REPS2: variants seen among roughly 807,000 people sequenced by gnomAD.
REPS2 encodes the protein RALBP1 associated Eps domain containing 2.
In REPS2, 23 loss-of-function variants were observed where a neutral mutation model predicts 53.6. That is an observed-to-expected ratio of 0.43 (90% CI 0.31 to 0.61). REPS2 has a LOEUF of 0.61. REPS2 is among the 20% of genes least tolerant of loss of function. The pLI, the probability that REPS2 is intolerant of heterozygous loss-of-function variation, is 0.11. For synonymous variants in REPS2, 238 were observed against 218.6 expected (o/e 1.09, Z -0.78); for missense variants, 446 against 534.9 (o/e 0.83, Z 1.64).
chrX:16,947,076 C>T lies in REPS2; in HGVS notation c.215C>T (p.Ala72Val), dbSNP rs374993556. ...GCCCCCGGCACGGCCACTGCGGCCGCCGGCCCCGTGGCTGACCTGTTTCGG... is the reference window on the plus strand; with the variant it reads ...GCCCCCGGCACGGCCACTGCGGCCGTCGGCCCCGTGGCTGACCTGTTTCGG... Reference protein sequence around the residue: ...RVAPGTATAAAGPVADLFRAS... With the variant: ...RVAPGTATAAVGPVADLFRAS... Residue 72 changes from alanine to valine, a missense_variant, in exon 1 of 18, where the codon GCC becomes GTC. Coordinates refer to ENST00000357277, the MANE Select transcript of REPS2 (RefSeq NM_004726.3). The T allele has an allele frequency of 2.7e-4, 291 of 1,073,904 alleles. No individual in the cohort carries two copies. The African/African-American group carries it at 4.7e-3, about 17-fold the overall frequency. 88.5% of individuals were successfully genotyped at this position (1,073,904 alleles called of 1,213,427 possible). A position where few individuals can be genotyped will look rare whatever the true frequency, so the allele number is the denominator to read the frequency against.
At chrX:17,139,033 T>A in intron 17 of REPS2, 72 bp downstream of exon 17, 1 of 600,225 alleles carries the variant, frequency 1.7e-6, no homozygotes, top group Non-Finnish European at 2.6e-6. Flanking sequence ...TTTAATTTAA[T>A]AGGCATATAA....
At chrX:16,952,080 A>G (rs2060521434) in intron 1 of REPS2, among the ~76,000 whole-genome samples, 1 of 111,917 alleles carries the variant, frequency 8.9e-6, no homozygotes, top group African/African-American at 3.3e-5. Flanking sequence ...CATCTGTATT[A>G]ATTTTTTAAA....
intron 2 of REPS2, among the ~76,000 whole-genome samples, chrX:17,009,885 C>T (rs1222985108): frequency 9.0e-6 from 1 of 111,385 alleles, no homozygotes; most frequent in Non-Finnish European, 1.9e-5. Context: ...CTTTTCCATC[C>T]TCATCTCAAA....
intron 13 of REPS2, among the ~76,000 whole-genome samples, chrX:17,083,065 A>C (rs4828524): frequency 9.8e-6 from 1 of 102,310 alleles, no homozygotes; most frequent in African/African-American, 3.6e-5. Context: ...AATGACAGAA[A>C]TGTTCCGAGC....
chrX:17,043,424 C>G (rs758377009), intron 5 of REPS2, among the ~76,000 whole-genome samples: 13 of 110,880 alleles, frequency 1.2e-4, no homozygotes, highest in Non-Finnish European at 2.3e-4. Flanking sequence ...CATGCTTGTT[C>G]TACTGTTAAC....
intron 13 of REPS2, among the ~76,000 whole-genome samples, chrX:17,101,349 ATCGCGCCAGGC>A (rs2062799261): frequency 9.0e-6 from 1 of 111,347 alleles, no homozygotes; most frequent in African/African-American, 3.3e-5. Flanking sequence ...AGCGTGAGCC[ATCGCGCCAGGC>A]CTCTATGCCA....
Position 17,029,596 on chromosome X carries a change from C to G in REPS2, c.744C>G (p.Pro248=), listed in dbSNP as rs1467320307. ...CATCAGGGGGCCCAGGAACCAAGCC[C>G]CTTCGGCATCAGGCTTCCCTTATCC... ...GSSSGGPGTK[P]LRHQASLIRS... The change falls in exon 5 of 18, where the codon CCC becomes CCG. Residue 248 remains proline, a synonymous_variant. Transcript: ENST00000357277. 1.7e-6 allele frequency: 2 copies of G among 1,206,849 alleles called. No individual in the cohort carries two copies. Among genetic ancestry groups the G allele is most frequent in the Non-Finnish European group, 2.2e-6 (2 of 892,058 alleles).
Position 17,006,363 on chromosome X carries a change from T to A in REPS2, c.397+19T>A, listed in dbSNP as rs2061363352. ...AAATGTGGTGAGTATCTCACATTTG[T>A]ATGTTTTATTGTCCATGGCGAGTCG... is the stretch of plus-strand genomic sequence containing the variant. On this transcript the variant is annotated intron_variant, in intron 2 of 17. Transcript: ENST00000357277. 8.4e-7 allele frequency: 1 copy of A among 1,197,288 alleles called. No homozygotes were observed. Among genetic ancestry groups the A allele is most frequent in the Non-Finnish European group, 1.1e-6 (1 of 885,586 alleles).
At chrX:17,011,672 T>C (rs1015506394) in intron 2 of REPS2, among the ~76,000 whole-genome samples, 5 of 112,292 alleles carry the variant, frequency 4.5e-5, no homozygotes, top group African/African-American at 1.6e-4. Flanking sequence ...TCCCAGCACT[T>C]TGGGAGGCCG....
At chrX:17,153,647 A>T (rs2063588922), downstream of REPS2, among the ~76,000 whole-genome samples, 1 of 111,636 alleles carries the variant, frequency 9.0e-6, no homozygotes, top group African/African-American at 3.3e-5. Flanking sequence ...GTTGGCTTGA[A>T]ATCTCGACCA....
chrX:17,185,865 C>T, the REPS2 span, among the ~76,000 whole-genome samples: 1 of 111,481 alleles, frequency 9.0e-6, no homozygotes, highest in Non-Finnish European at 1.9e-5. Flanking sequence ...TCCTCTCTTC[C>T]AGCCAGGCCT....
intron 16 of REPS2, chrX:17,136,362 G>T (rs1170596920): frequency 9.0e-6 from 1 of 111,201 alleles, no homozygotes; most frequent in Non-Finnish European, 1.9e-5. Context: ...CAGGTCCCTG[G>T]TGGTATCAGT....
chrX:17,000,776 T>G (rs933907460), intron 1 of REPS2, among the ~76,000 whole-genome samples: 6 of 112,277 alleles, frequency 5.3e-5, no homozygotes, highest in African/African-American at 1.9e-4. Context: ...ATTCTTACTT[T>G]GGGGATAACA....
chrX:16,993,495 C>T (rs1018814770), intron 1 of REPS2, among the ~76,000 whole-genome samples: 1 of 111,157 alleles, frequency 9.0e-6, no homozygotes. Flanking sequence ...GCTTTGGGAA[C>T]TCTGCCACCT....
At chrX:17,082,064 C>T (rs1454531820) in intron 13 of REPS2, among the ~76,000 whole-genome samples, 2 of 111,562 alleles carry the variant, frequency 1.8e-5, no homozygotes, top group African/African-American at 3.3e-5. Context: ...CTTCTGTCCA[C>T]GGAGTCAGTA....
chrX:17,153,321 G>T (rs1431946089), downstream of REPS2: 1 of 112,460 alleles, frequency 8.9e-6, no homozygotes, highest in Non-Finnish European at 1.9e-5. Context: ...GTTTGCATTT[G>T]TTCTCATGTA....
At chrX:17,172,819 ACT>A in the REPS2 span, among the ~76,000 whole-genome samples, 1 of 111,574 alleles carries the variant, frequency 9.0e-6, no homozygotes, top group African/African-American at 3.3e-5. Context: ...AGAGATAACC[ACT>A]GTTAACACTT....
chrX:17,019,771 G>A (rs1055590616), intron 2 of REPS2, among the ~76,000 whole-genome samples: 5 of 111,711 alleles, frequency 4.5e-5, no homozygotes, highest in Non-Finnish European at 9.4e-5. Flanking sequence ...AGGCTGCAAT[G>A]AGCTATGTTA....
intron 1 of REPS2, among the ~76,000 whole-genome samples, chrX:16,975,265 G>A (rs1433509090): frequency 2.7e-5 from 3 of 111,877 alleles, no homozygotes; most frequent in East Asian, 2.8e-4. Context: ...TGGTATTTCC[G>A]TTTTTAGGTC....
Sources: gnomAD v4.1 joint callset for allele counts (sites outside exome capture counted in the v4.1 genomes callset) on GRCh38, gnomAD v4.1.1 for gene constraint, MANE v1.5 for transcripts, NCBI Gene and HGNC (gene_info 2026-07-23, HGNC 2026-07-21) for gene names.